TRANK1: variants seen among roughly 807,000 people sequenced by gnomAD.
TRANK1 encodes the protein TPR and ankyrin repeat-containing protein 1.
TRANK1 carries 198 observed loss-of-function variants against 266.0 expected under a neutral mutation model. The ratio of observed to expected loss-of-function variants is 0.74; its 90% CI spans 0.66 to 0.84. TRANK1 has a LOEUF of 0.84. Among genes scored for constraint, TRANK1 ranks in the 40% least tolerant of loss-of-function variants. TRANK1 has a pLI of 0.00. For synonymous variants in TRANK1, 1,396 were observed against 1,384.1 expected, an observed-to-expected ratio of 1.01 and a Z score of -0.19; for missense variants, 3,326 against 3,634.6, an observed-to-expected ratio of 0.92 and a Z score of 2.18.
rs186129052 is a variant in TRANK1, at chr3:36,856,755, T to C, written c.2967A>G (p.Gln989=). The C allele has an allele frequency of 1.7e-4, 267 of 1,614,054 alleles. No homozygotes were observed. In the African/African-American group the frequency reaches 3.3e-3, roughly 20 times the overall value. The change falls in exon 13 of 24, where the codon CAA becomes CAG. Residue 989 remains glutamine, a synonymous_variant. Coordinates refer to ENST00000645898, the MANE Select transcript of TRANK1 (RefSeq NM_001329998.2). The part of the protein sequence containing the change: ...KGQVSANMKI[Q]KRIPRCYVED... Reference sequence around the variant, plus strand: ...CCACATAGCAGCGAGGTATACGCTTTTGAATTTTCATGTTAGCTGACACTT... The same window carrying C: ...CCACATAGCAGCGAGGTATACGCTTCTGAATTTTCATGTTAGCTGACACTT...
At chr3:36,852,066 G>T in intron 14 of TRANK1, 80 bp downstream of exon 14, 1 of 1,432,638 alleles carries the variant, frequency 7.0e-7, no homozygotes, top group Non-Finnish European at 9.3e-7. Flanking sequence ...ATGCTACTTT[G>T]TGGTATAATT....
chr3:36,931,267 G>GT (rs961468189), intron 1 of TRANK1, among the ~76,000 whole-genome samples: 3 of 139,654 alleles, frequency 2.1e-5, no homozygotes, highest in Non-Finnish European at 3.3e-5. Flanking sequence ...AATATTAAGT[G>GT]TTAAAAAAAA....
At chr3:36,864,556 C>A in intron 9 of TRANK1, 76 bp from the exon 10 acceptor site, 1 of 1,351,480 alleles carries the variant, frequency 7.4e-7, no homozygotes, top group South Asian at 1.5e-5. Flanking sequence ...AACCACAATT[C>A]TCCAACCCTC....
chr3:36,934,019 T>G (rs1221485225), intron 1 of TRANK1, among the ~76,000 whole-genome samples: 1 of 152,184 alleles, frequency 6.6e-6, no homozygotes, highest in Non-Finnish European at 1.5e-5. Flanking sequence ...GAAACCCTTT[T>G]CAGCTGGAGG....
intron 9 of TRANK1, among the ~76,000 whole-genome samples, chr3:36,867,197 CA>C (rs369027127): frequency 1.5e-3 from 217 of 140,914 alleles, no homozygotes; most frequent in Middle Eastern, 3.7e-3. Flanking sequence ...ACTCACAGTA[CA>C]AAAAAAAAAA....
intron 1 of TRANK1, among the ~76,000 whole-genome samples, chr3:36,917,586 G>A (rs2080144301): frequency 2.6e-5 from 4 of 152,210 alleles, no homozygotes; most frequent in Admixed American, 2.6e-4. Context: ...GAGGGCAGGA[G>A]ATGTTGGAAG....
rs59696508 is a variant in TRANK1 at position 36,845,153 on chromosome 3, T to C, written c.5191+1095A>G. Among the ~76,000 whole-genome samples the C allele has an allele frequency of 2.2e-3, 330 of 152,278 alleles. 2 individuals carry two copies. Among genetic ancestry groups the C allele is most frequent in the African/African-American group, 7.3e-3 (302 of 41,558 alleles). On this transcript the variant is annotated intron_variant, in intron 17 of 23. Transcript: ENST00000645898. ...AACCCCATACCCACCAATCCTAGCA[T>C]GAGAGGTAATCACTATAAACAGTTT...
intron 1 of TRANK1, among the ~76,000 whole-genome samples, chr3:36,942,006 C>T (rs536969762): frequency 6.6e-6 from 1 of 152,292 alleles, no homozygotes; most frequent in African/African-American, 2.4e-5. Flanking sequence ...AGGCCCACAC[C>T]TCAACCTCCA....
chr3:36,939,456 A>G (rs1465495642), intron 1 of TRANK1, among the ~76,000 whole-genome samples: 1 of 152,204 alleles, frequency 6.6e-6, no homozygotes, highest in East Asian at 1.9e-4. Flanking sequence ...CAAGGATATG[A>G]GTGTTTTCCT....
intron 23 of TRANK1, 76 bp downstream of exon 23, chr3:36,829,488 T>C (rs768469012): frequency 3.4e-6 from 5 of 1,475,774 alleles, no homozygotes; most frequent in Admixed American, 1.7e-5. Flanking sequence ...CCACTTCAGA[T>C]TCCCCCCGGG....
rs1240165207 is a variant in TRANK1, at chr3:36,838,726, G to A, written c.5281-10C>T. The A allele has an allele frequency of 1.9e-6, 3 of 1,610,404 alleles. No homozygotes were observed. In the South Asian group the frequency reaches 3.3e-5, roughly 18 times the overall value. On this transcript the variant is annotated splice_polypyrimidine_tract_variant and intron_variant, in intron 18 of 23. Coordinates refer to ENST00000645898, the MANE Select transcript of TRANK1 (RefSeq NM_001329998.2). ...AACACTTGGCTGCAACCTGGAATAG[G>A]CAAAAAGTTTTATTCCCAGCAAGGT...
In TRANK1 at chr3:36,857,432, C is replaced by T. The variant is rs202191730; in HGVS notation, c.2290G>A (p.Ala764Thr). ...TCATCTTTCTTTCCTTCTTTGCCAG[C>T]TCCTGCCTCCAGAGGCTCAGAGCTC... ...LQSSEPLEAG[A>T]GKEGKKDDKP... Residue 764 changes from alanine (A) to threonine (T), a missense_variant, in exon 13 of 24, where the codon GCT (alanine) becomes ACT (threonine). Physicochemically the swap from Ala to Thr is moderately conservative, Grantham distance 58. Coordinates refer to ENST00000645898, the MANE Select transcript of TRANK1 (RefSeq NM_001329998.2). This position sits in a 1 kb window ranked among gnomAD's most constrained non-coding sequence, Gnocchi z 4.3. 121 of 1,613,786 alleles carry T rather than the reference C, an allele frequency of 7.5e-5. No homozygotes were observed. Among genetic ancestry groups the T allele is most frequent in the Non-Finnish European group, 9.2e-5 (108 of 1,179,864 alleles).
intron 2 of TRANK1, among the ~76,000 whole-genome samples, chr3:36,907,013 C>A (rs981163484): frequency 2.0e-5 from 3 of 152,152 alleles, no homozygotes; most frequent in Non-Finnish European, 4.4e-5. Flanking sequence ...GATATTGCAA[C>A]AGACTGAATA....
chr3:36,892,281 C>A lies in TRANK1; in HGVS notation c.696G>T (p.Trp232Cys). Residue 232 changes from tryptophan (W) to cysteine (C), a missense_variant, in exon 7 of 24, where the codon TGG becomes TGT. By Grantham distance (215) the Trp-to-Cys change is radical. Coordinates refer to ENST00000645898, the MANE Select transcript of TRANK1 (RefSeq NM_001329998.2). ...CAACACTTGCACCAATGGAGATGAGCCACTGGACTAACTTGGGCACTTGTT... is the reference window on the plus strand; with the variant it reads ...CAACACTTGCACCAATGGAGATGAGACACTGGACTAACTTGGGCACTTGTT... ...KMEQVPKLVQ[W>C]LISIGASVET... is the part of the protein sequence containing the mutation. 1 of 1,537,078 alleles carries A rather than the reference C, an allele frequency of 6.5e-7. No individual in the cohort carries two copies.
At chr3:36,925,686 G>T (rs1177916238) in intron 1 of TRANK1, among the ~76,000 whole-genome samples, 1 of 151,762 alleles carries the variant, frequency 6.6e-6, no homozygotes, top group East Asian at 1.9e-4. Context: ...TGCCTCTCGG[G>T]TTCAAGCAAT....
intron 1 of TRANK1, among the ~76,000 whole-genome samples, chr3:36,924,187 T>C (rs1467843607): frequency 2.0e-5 from 3 of 152,218 alleles, no homozygotes; most frequent in Non-Finnish European, 4.4e-5. Context: ...TTTTTCCTCG[T>C]ACCTGGGCTG....
In TRANK1 at chr3:36,942,273, G is replaced by A. The variant is rs544986753; in HGVS notation, c.23+2514C>T. On this transcript the variant is annotated intron_variant, in intron 1 of 23. Transcript: ENST00000645898. ...CATGGACTGGGAAGTCAAGAGATAA[G>A]TTGTCTAATCCCAGATCTAACACTA... 1.1e-4 allele frequency among the ~76,000 whole-genome samples: 16 copies of A among 152,212 alleles called. No homozygotes were observed. In the South Asian group the frequency reaches 2.1e-3, roughly 20 times the overall value.
chr3:36,903,300 T>C (rs1182652519), intron 2 of TRANK1, 25 bp from the exon 3 acceptor site: 1 of 1,532,862 alleles, frequency 6.5e-7, no homozygotes, highest in African/African-American at 1.4e-5. Flanking sequence ...CGGTGGTCTG[T>C]CATGGTTCTG....
chr3:36,855,693 AG>A lies in TRANK1; in HGVS notation c.4028del (p.Pro1343LeufsTer3). ...KMTKGRTAYNPALIWKEIKSF... is the reference protein window; with the variant it reads ...KMTKGRTAYNXALIWKEIKSF... ...ATTTTATTTCTTTCCAAATCAGTGC[AG>A]GGTTGTAGGCAGTCCTCCCTTTGGT... On this transcript the variant is annotated frameshift_variant, in exon 13 of 24. Transcript: ENST00000645898. LOFTEE classifies it high-confidence loss of function. 1 of 1,613,798 alleles carries A rather than the reference AG, an allele frequency of 6.2e-7. No individual in the cohort carries two copies. The highest frequency in any genetic ancestry group is 1.1e-5 in the South Asian group (1 of 91,070).
Sources: gnomAD v4.1 joint callset for allele counts (sites outside exome capture counted in the v4.1 genomes callset) on GRCh38, gnomAD v4.1.1 for gene constraint, Gnocchi (gnomAD v3.1) non-coding constraint, MANE v1.5 for transcripts, NCBI Gene and HGNC (gene_info 2026-07-23, HGNC 2026-07-21) for gene names.